AGFG1: variants seen among roughly 807,000 people sequenced by gnomAD.
The protein encoded by AGFG1 is ArfGAP with FG repeats 1, also known as arf-GAP domain and FG repeat-containing protein 1.
A neutral mutation model predicts 60.6 loss-of-function variants in AGFG1; 10 were observed. The ratio of observed to expected loss-of-function variants is 0.16; its 90% CI spans 0.10 to 0.28. The LOEUF (loss-of-function observed/expected upper bound fraction) is 0.28. Ranked by LOEUF, AGFG1 falls within the 10% of genes least tolerant of loss-of-function variation. AGFG1 has a pLI of 1.00. For synonymous variants in AGFG1, 247 were observed against 242.9 expected (o/e 1.02, Z -0.16); for missense variants, 537 against 676.5 (o/e 0.79, Z 2.29).
intron 2 of AGFG1, among the ~76,000 whole-genome samples, chr2:227,516,811 G>A (rs1691664117): frequency 6.6e-6 from 1 of 152,056 alleles, no homozygotes; most frequent in Non-Finnish European, 1.5e-5. Flanking sequence ...CAGAGGTTTT[G>A]GAATATAGTA....
rs183281210 is a variant in AGFG1, at chr2:227,526,381, G to T, written c.694+1466G>T. ...AAATTATATACAAATGTAAAATTTT[G>T]TATTTTAGTAATACAAAATACTAAT... On this transcript the variant is annotated intron_variant, in intron 5 of 12. Transcript: ENST00000310078. 3.0e-4 allele frequency among the ~76,000 whole-genome samples: 44 copies of T among 144,762 alleles called. 1 individual carries two copies. The highest frequency in any genetic ancestry group is 1.5e-3 in the Admixed American group (22 of 14,810). The allele number at this position is 144,762 out of a possible 152,430, so 95.0% of individuals were successfully genotyped here. A position where few individuals can be genotyped will look rare whatever the true frequency, so the allele number is the denominator to read the frequency against.
chr2:227,531,525 C>CT (rs34372948), intron 6 of AGFG1, among the ~76,000 whole-genome samples: 74,099 of 130,026 alleles, frequency 0.57, 21,360 homozygotes, highest in East Asian at 0.66. Flanking sequence ...CTCTCTGTCT[C>CT]TTTTTTTTTT....
intron 2 of AGFG1, among the ~76,000 whole-genome samples, chr2:227,518,238 T>A (rs1691712539): frequency 1.3e-5 from 2 of 152,226 alleles, no homozygotes; most frequent in South Asian, 4.1e-4. Flanking sequence ...TTGGGGTTAT[T>A]ATCAGTAAAG....
Position 227,553,613 on chromosome 2 carries a change from G to C in AGFG1, c.1538-91G>C, listed in dbSNP as rs1170523828. 4 of 1,038,694 alleles carry C rather than the reference G, an allele frequency of 3.9e-6. No homozygotes were observed. In the Admixed American group the frequency reaches 6.0e-5, roughly 16 times the overall value. 64.3% of individuals were successfully genotyped at this position (1,038,694 alleles called of 1,614,324 possible). ...ACATTTTATTTTTGCTGCTCTGGTAGGAATGTCTCTGAAAGTTATTATGAG... is the reference window on the plus strand; with the variant it reads ...ACATTTTATTTTTGCTGCTCTGGTACGAATGTCTCTGAAAGTTATTATGAG... On this transcript the variant is annotated intron_variant, in intron 11 of 12. Transcript: ENST00000310078.
intron 10 of AGFG1, among the ~76,000 whole-genome samples, chr2:227,547,019 C>T (rs542541879): frequency 7.2e-4 from 110 of 152,284 alleles, no homozygotes; most frequent in Middle Eastern, 3.4e-3. Context: ...GTTCAAAATT[C>T]AGTAATGGCT....
intron 5 of AGFG1, among the ~76,000 whole-genome samples, chr2:227,525,544 G>A (rs4309569): frequency 0.82 from 125,381 of 152,190 alleles, 51,659 homozygotes; most frequent in South Asian, 0.89. Flanking sequence ...ACAGACTGCA[G>A]TTGTGAGACA....
intron 2 of AGFG1, among the ~76,000 whole-genome samples, chr2:227,517,492 G>T (rs1691688214): frequency 6.6e-6 from 1 of 152,128 alleles, no homozygotes. Context: ...TGATGGTCTC[G>T]ATCTCCTGAC....
Position 227,533,598 on chromosome 2 carries a change from C to A in AGFG1, c.864C>A (p.Phe288Leu), listed in dbSNP as rs1692222724. The change falls in exon 7 of 13, where the codon TTC becomes TTA. Residue 288 changes from phenylalanine to leucine, a missense_variant. Phe to Leu is a conservative substitution (Grantham distance 22, BLOSUM62 0). Transcript: ENST00000310078. The part of the protein sequence containing the change: ...VNANFAHFDN[F>L]PKSSSADFGT... ...CTAATTTTGCTCATTTTGATAACTT[C>A]CCCAAATCCTCCAGTGCTGATTTTG... The A allele has an allele frequency of 1.2e-6, 2 of 1,613,666 alleles. No individual in the cohort carries two copies. Among genetic ancestry groups the A allele is most frequent in the Non-Finnish European group, 1.7e-6 (2 of 1,179,802 alleles).
At chr2:227,517,139 G>A (rs1691675439) in intron 2 of AGFG1, among the ~76,000 whole-genome samples, 1 of 152,156 alleles carries the variant, frequency 6.6e-6, no homozygotes, top group Admixed American at 6.5e-5. Context: ...TACTTCTCAG[G>A]CGTTGCCAGT....
At chr2:227,532,152 T>C in intron 6 of AGFG1, 1 of 1,547,874 alleles carries the variant, frequency 6.5e-7, no homozygotes. Flanking sequence ...TAGAATGCTT[T>C]CATCTAGCTG....
chr2:227,553,525 A>T (rs1190733364), intron 11 of AGFG1, among the ~76,000 whole-genome samples, 179 bp from the exon 12 acceptor site: 3 of 151,294 alleles, frequency 2.0e-5, no homozygotes, highest in Admixed American at 1.3e-4. Flanking sequence ...TTATTTTAAG[A>T]CATGCTACAG....
chr2:227,555,182 A>T lies in AGFG1; in HGVS notation c.*687A>T, dbSNP rs957540759. On this transcript the variant is annotated 3_prime_UTR_variant, in exon 13 of 13. Coordinates refer to ENST00000310078, the MANE Select transcript of AGFG1 (RefSeq NM_004504.5). Reference sequence around the variant, plus strand: ...TACCAAAGTGGCCTTAAATATGAGTAGTGAATTGAGAACATCTTGAATTCT... The same window carrying T: ...TACCAAAGTGGCCTTAAATATGAGTTGTGAATTGAGAACATCTTGAATTCT... 1 of 152,620 alleles carries T rather than the reference A, an allele frequency of 6.6e-6. No individual in the cohort carries two copies. Among genetic ancestry groups the T allele is most frequent in the African/African-American group, 2.4e-5 (1 of 41,470 alleles). 9.5% of individuals were successfully genotyped at this position (152,620 alleles called of 1,614,324 possible). A position where few individuals can be genotyped will look rare whatever the true frequency, so the allele number is the denominator to read the frequency against.
At chr2:227,522,223 C>T (rs1453406177) in intron 3 of AGFG1, among the ~76,000 whole-genome samples, 3 of 152,126 alleles carry the variant, frequency 2.0e-5, no homozygotes, top group African/African-American at 7.2e-5. Context: ...AATTTAAGTT[C>T]AGGAAAGAAG....
In AGFG1 at chr2:227,557,717, A is replaced by G. The variant is rs1693016523; in HGVS notation, c.*3222A>G. Reference sequence around the variant, plus strand: ...AGGAACATTGTTTTACATTTTATGCATTTAAATCTGGCTTAATAAAAGCAG... The same window carrying G: ...AGGAACATTGTTTTACATTTTATGCGTTTAAATCTGGCTTAATAAAAGCAG... On this transcript the variant is annotated 3_prime_UTR_variant, in exon 13 of 13. Coordinates refer to ENST00000310078, the MANE Select transcript of AGFG1 (RefSeq NM_004504.5). 1 of 152,222 alleles carries G rather than the reference A, an allele frequency of 6.6e-6. No homozygotes were observed. The highest frequency in any genetic ancestry group is 2.4e-5 in the African/African-American group (1 of 41,462). The allele number at this position is 152,222 out of a possible 1,614,324, so 9.4% of individuals were successfully genotyped here.
Position 227,558,725 on chromosome 2 carries a change from C to T in AGFG1, c.*4230C>T, listed in dbSNP as rs1693050272. 6.6e-6 allele frequency: 1 copy of T among 152,058 alleles called. No homozygotes were observed. Among genetic ancestry groups the T allele is most frequent in the South Asian group, 2.1e-4 (1 of 4,820 alleles). The allele number at this position is 152,058 out of a possible 1,614,324, so 9.4% of individuals were successfully genotyped here. ...GTTGTGCTGCTGAATGTTTAACAAC[C>T]ATCTTTCATGAAAGAAAAAAGGCCC... On this transcript the variant is annotated 3_prime_UTR_variant, in exon 13 of 13. Coordinates refer to ENST00000310078, the MANE Select transcript of AGFG1 (RefSeq NM_004504.5).
In AGFG1 at chr2:227,509,530, G is replaced by T. The variant is rs186943439; in HGVS notation, c.262-10418G>T. Among the ~76,000 whole-genome samples the T allele has an allele frequency of 3.3e-5, 5 of 152,092 alleles. No individual in the cohort carries two copies. In the South Asian group the frequency reaches 1.0e-3, roughly 32 times the overall value. On this transcript the variant is annotated intron_variant, in intron 2 of 12. Coordinates refer to ENST00000310078, the MANE Select transcript of AGFG1 (RefSeq NM_004504.5). Reference sequence around the variant, plus strand: ...TTGTGCTATGGTTATGTAAAAGAACGTACTTATTTTTAGGAAATATACATT... The same window carrying T: ...TTGTGCTATGGTTATGTAAAAGAACTTACTTATTTTTAGGAAATATACATT...
chr2:227,472,811 C>T (rs972704049), intron 1 of AGFG1, among the ~76,000 whole-genome samples: 15 of 131,190 alleles, frequency 1.1e-4, no homozygotes, highest in Admixed American at 8.2e-5. Context: ...TTTTGCCGGG[C>T]GAGGGTTTAC....
At position 227,520,025 on chromosome 2, in the gene AGFG1, G is replaced by A. The variant is rs1170669113; in HGVS notation, c.339G>A (p.Val113=). 1 of 1,579,924 alleles carries A rather than the reference G, an allele frequency of 6.3e-7. No homozygotes were observed. The highest frequency in any genetic ancestry group is 8.5e-7 in the Non-Finnish European group (1 of 1,169,944). The change falls in exon 3 of 13, where the codon GTG becomes GTA. Residue 113 remains valine, a synonymous_variant. Transcript: ENST00000310078. ...AIPDFRDPQK[V]KEFLQEKYEK... Reference sequence around the variant, plus strand: ...CAGACTTCAGGGATCCACAAAAAGTGAAAGAGTTTCTACAAGAAAAGTATG... The same window carrying A: ...CAGACTTCAGGGATCCACAAAAAGTAAAAGAGTTTCTACAAGAAAAGTATG...
chr2:227,509,199 A>C (rs747992722), intron 2 of AGFG1, among the ~76,000 whole-genome samples: 1 of 152,206 alleles, frequency 6.6e-6, no homozygotes, highest in Non-Finnish European at 1.5e-5. Flanking sequence ...ATCTTTCTTC[A>C]TAATGATACA....
Sources: gnomAD v4.1 joint callset for allele counts (sites outside exome capture counted in the v4.1 genomes callset) on GRCh38, gnomAD v4.1.1 for gene constraint, MANE v1.5 for transcripts, NCBI Gene and HGNC (gene_info 2026-07-23, HGNC 2026-07-21) for gene names.